Variants in PCLO observed in about 807,000 individuals in gnomAD.
PCLO encodes protein piccolo.
A neutral mutation model predicts 427.5 loss-of-function variants in PCLO; 82 were observed. The ratio of observed to expected loss-of-function variants is 0.19; its 90% CI spans 0.16 to 0.23. The LOEUF (loss-of-function observed/expected upper bound fraction) is 0.23, where lower values mean the gene tolerates loss of function less well. PCLO is among the 10% of genes least tolerant of loss of function. The probability of loss-of-function intolerance (pLI) is 1.00; values close to 1 mark genes in which losing one functional copy is unlikely to be tolerated. For synonymous variants in PCLO, 2,357 were observed against 2,155.4 expected, an observed-to-expected ratio of 1.09 and a Z score of -2.59; for missense variants, 6,239 against 6,115.9, an observed-to-expected ratio of 1.02 and a Z score of -0.67.
chr7:83,145,745 T>C (rs1035746885), intron 2 of PCLO, among the ~76,000 whole-genome samples: 2 of 152,200 alleles, frequency 1.3e-5, no homozygotes, highest in African/African-American at 2.4e-5. Context: ...CCCTTCCACT[T>C]ATACTGCCAA....
chr7:82,984,180 C>T (rs1432396980), intron 3 of PCLO, among the ~76,000 whole-genome samples: 1 of 151,844 alleles, frequency 6.6e-6, no homozygotes, highest in African/African-American at 2.4e-5. Flanking sequence ...CAAGTCATTT[C>T]AAAGGTGGAC....
intron 10 of PCLO, among the ~76,000 whole-genome samples, chr7:82,851,464 A>G (rs148673032): frequency 2.3e-3 from 356 of 152,174 alleles, no homozygotes; most frequent in African/African-American, 8.0e-3. Context: ...AAATCATTAC[A>G]TATTTTATGA....
intron 10 of PCLO, among the ~76,000 whole-genome samples, chr7:82,850,006 ATTATTAT>A (rs142938844): frequency 0.37 from 56,026 of 150,220 alleles, 11,849 homozygotes; most frequent in East Asian, 0.69. Flanking sequence ...GCTTATTATT[ATTATTAT>A]TTATTTATTT....
chr7:83,161,522 C>T (rs958902449), intron 1 of PCLO, among the ~76,000 whole-genome samples: 2 of 152,118 alleles, frequency 1.3e-5, no homozygotes, highest in Non-Finnish European at 2.9e-5. Flanking sequence ...GAGTTACAGG[C>T]GGAAATGAAA....
chr7:82,870,331 C>A (rs984410513), intron 10 of PCLO, among the ~76,000 whole-genome samples: 5 of 151,884 alleles, frequency 3.3e-5, no homozygotes, highest in Non-Finnish European at 7.4e-5. Context: ...AAAGAATATA[C>A]GCTGGCAAAA....
chr7:83,145,822 A>T (rs144461399), intron 2 of PCLO, among the ~76,000 whole-genome samples: 1 of 152,194 alleles, frequency 6.6e-6, no homozygotes. Flanking sequence ...AAAAAACAAT[A>T]AAGTCACCTG....
In PCLO at chr7:82,949,793, C is replaced by G; in HGVS notation, c.10795G>C (p.Gly3599Arg). ...TCTGCCCGGAGGTGAGATGAATAAC[C>G]AATCTCTAAAGGTGTTGGGCGTTTC... ...DKKRPTPLEIGYSSHLRADST... is the reference protein window; with the variant it reads ...DKKRPTPLEIRYSSHLRADST... Residue 3599 changes from glycine (G) to arginine (R), a missense_variant, in exon 6 of 25, where the codon GGT (glycine) becomes CGT (arginine). Gly to Arg is a moderately radical substitution (Grantham distance 125). This residue lies in a region of PCLO where 4,677 missense variants were observed against 4,468.4 expected (regional missense o/e 1.05). Transcript: ENST00000333891. 6.2e-7 allele frequency: 1 copy of G among 1,613,742 alleles called. No homozygotes were observed. Among genetic ancestry groups the G allele is most frequent in the East Asian group, 2.2e-5 (1 of 44,842 alleles).
chr7:82,968,626 T>C (rs778612312), intron 3 of PCLO, among the ~76,000 whole-genome samples: 1 of 151,170 alleles, frequency 6.6e-6, no homozygotes, highest in East Asian at 2.0e-4. Context: ...TTCAAGAAAT[T>C]CTCCTGCCTC....
At chr7:82,783,479 G>C (rs545970302) in intron 22 of PCLO, among the ~76,000 whole-genome samples, 5 of 152,138 alleles carry the variant, frequency 3.3e-5, no homozygotes, top group South Asian at 2.1e-4. Context: ...AAAATTAGCC[G>C]GGCATGGTGG....
In PCLO at chr7:82,952,124, C is replaced by T. The variant is rs747482466; in HGVS notation, c.8829G>A (p.Val2943=). 4 of 1,613,698 alleles carry T rather than the reference C, an allele frequency of 2.5e-6. No individual in the cohort carries two copies. In the South Asian group the frequency reaches 3.3e-5, roughly 13 times the overall value. The change falls in exon 5 of 25, where the codon GTG becomes GTA. Residue 2943 remains valine (V), a synonymous_variant. Coordinates refer to ENST00000333891, the MANE Select transcript of PCLO (RefSeq NM_033026.6). ...TAGRRAVCCD[V]VYKLPFGRSC... ...TCCTTCCAAATGGTAATTTATAAAC[C>T]ACATCACAGCACACAGCTCTTCTCC...
At chr7:82,977,329 T>C (rs1294286541) in intron 3 of PCLO, among the ~76,000 whole-genome samples, 1 of 151,420 alleles carries the variant, frequency 6.6e-6, no homozygotes, top group Non-Finnish European at 1.5e-5. Context: ...TGTGCTTTTT[T>C]TTTCCTTTTT....
intron 3 of PCLO, among the ~76,000 whole-genome samples, chr7:83,054,210 C>T (rs909398504): frequency 9.9e-5 from 15 of 151,928 alleles, no homozygotes; most frequent in Non-Finnish European, 2.2e-4. Flanking sequence ...AAAATTCTAC[C>T]TTTTCTATCA....
chr7:82,765,903 A>C (rs986227668), intron 22 of PCLO, among the ~76,000 whole-genome samples: 2 of 152,064 alleles, frequency 1.3e-5, no homozygotes, highest in Non-Finnish European at 2.9e-5. Flanking sequence ...GGGGAGAAAA[A>C]AAAGTAAAAT....
At chr7:82,848,241 T>C (rs926297595) in intron 10 of PCLO, among the ~76,000 whole-genome samples, 1 of 151,160 alleles carries the variant, frequency 6.6e-6, no homozygotes, top group Non-Finnish European at 1.5e-5. Flanking sequence ...ATTTGTGAAC[T>C]TCACCAGCTT....
intron 2 of PCLO, 26 bp from the exon 3 acceptor site, chr7:83,135,682 A>T: frequency 6.9e-7 from 1 of 1,448,474 alleles, no homozygotes. Context: ...AACAATGGTC[A>T]CCGAGACAAT....
At chr7:82,873,533 C>T (rs954930750) in intron 10 of PCLO, among the ~76,000 whole-genome samples, 1 of 152,150 alleles carries the variant, frequency 6.6e-6, no homozygotes, top group Non-Finnish European at 1.5e-5. Flanking sequence ...AGAAATTCGA[C>T]TATTGAGTTG....
intron 2 of PCLO, among the ~76,000 whole-genome samples, chr7:83,146,598 T>C (rs1234136749): frequency 4.4e-5 from 1 of 22,592 alleles, no homozygotes; most frequent in Non-Finnish European, 9.8e-5. Context: ...CAATAAATAC[T>C]TTTTTTTTTT....
chr7:82,907,063 A>C (rs563538039), intron 8 of PCLO, among the ~76,000 whole-genome samples: 18 of 152,114 alleles, frequency 1.2e-4, no homozygotes, highest in African/African-American at 4.1e-4. Context: ...GTAACATTAA[A>C]TTAGAAACAA....
intron 10 of PCLO, among the ~76,000 whole-genome samples, chr7:82,855,990 T>C (rs1354584338): frequency 6.6e-6 from 1 of 152,100 alleles, no homozygotes; most frequent in East Asian, 1.9e-4. Flanking sequence ...TGACTCTCAA[T>C]GTAGGCAAAA....
Sources: allele counts gnomAD v4.1 joint callset (sites outside exome capture counted in the v4.1 genomes callset), GRCh38; gene constraint gnomAD v4.1.1; regional missense constraint gnomAD v4.1.1; transcripts MANE v1.5; gene names NCBI Gene and HGNC (gene_info 2026-07-23, HGNC 2026-07-21).